The following PP2D1 variants were observed in gnomAD, a reference collection of about 807,000 sequenced individuals.
PP2D1 encodes protein phosphatase 2C like domain containing 1.
PP2D1 carries 25 observed loss-of-function variants against 30.2 expected under a neutral mutation model. The ratio of observed to expected loss-of-function variants is 0.83; its 90% CI spans 0.60 to 1.16. The LOEUF (loss-of-function observed/expected upper bound fraction) is 1.16, where lower values mean the gene tolerates loss of function less well. PP2D1 is among the 50% of genes most tolerant of loss of function. The probability of loss-of-function intolerance (pLI) is 0.00; values close to 1 mark genes in which losing one functional copy is unlikely to be tolerated. For synonymous variants in PP2D1, 260 were observed against 258.9 expected (o/e 1.00, Z -0.04); for missense variants, 760 against 742.4 (o/e 1.02, Z -0.28).
chr3:19,993,606 G>A (rs1014321532), intron 2 of PP2D1, among the ~76,000 whole-genome samples: 1 of 152,162 alleles, frequency 6.6e-6, no homozygotes, highest in African/African-American at 2.4e-5. Context: ...GGTGGCACAT[G>A]CCAGTAATCT....
At position 19,986,103 on chromosome 3, in the gene PP2D1, T is replaced by G. The variant is rs1697030021; in HGVS notation, c.1170A>C (p.Glu390Asp). ...CTCCATTCTGAAGTATTCTTCTTCT[T>G]TCATTTGTGTTTCGTGTAGTATGTT... ...TKEHTTRNTN[E>D]RRRILQNGAV... The change falls in exon 3 of 3, where the codon GAA becomes GAC. Residue 390 changes from glutamate to aspartate, a missense_variant. Coordinates refer to ENST00000389050, the MANE Select transcript of PP2D1 (RefSeq NM_001252657.2). 6.5e-7 allele frequency: 1 copy of G among 1,536,000 alleles called. No individual in the cohort carries two copies. Among genetic ancestry groups the G allele is most frequent in the Non-Finnish European group, 8.7e-7 (1 of 1,146,820 alleles).
At chr3:19,998,721 T>C (rs934327675) in intron 2 of PP2D1, among the ~76,000 whole-genome samples, 1 of 152,226 alleles carries the variant, frequency 6.6e-6, no homozygotes, top group Admixed American at 6.5e-5. Flanking sequence ...ATAATTTTTT[T>C]TAAATTCTAG....
intron 2 of PP2D1, among the ~76,000 whole-genome samples, chr3:19,988,517 A>G (rs549710491): frequency 1.7e-4 from 26 of 152,152 alleles, no homozygotes; most frequent in Non-Finnish European, 2.6e-4. Flanking sequence ...TTCATTAGCA[A>G]TTTTAATTTC....
intron 2 of PP2D1, among the ~76,000 whole-genome samples, chr3:19,996,630 A>C (rs1271661130): frequency 1.3e-5 from 2 of 152,180 alleles, no homozygotes; most frequent in Non-Finnish European, 2.9e-5. Context: ...CACAACAACA[A>C]AGAAGAAAAC....
intron 2 of PP2D1, among the ~76,000 whole-genome samples, chr3:19,991,865 T>C (rs1370993387): frequency 6.6e-6 from 1 of 152,150 alleles, no homozygotes; most frequent in Non-Finnish European, 1.5e-5. Context: ...AAAAGAATTA[T>C]AAGAAAATGC....
At chr3:19,980,913 G>A (rs953942484), downstream of PP2D1, among the ~76,000 whole-genome samples, 4 of 152,164 alleles carry the variant, frequency 2.6e-5, no homozygotes, top group African/African-American at 9.7e-5. Context: ...TGATGCTGAT[G>A]TAGAATGGAA....
chr3:19,993,547 C>T (rs1697142297), intron 2 of PP2D1, among the ~76,000 whole-genome samples: 1 of 151,990 alleles, frequency 6.6e-6, no homozygotes, highest in Non-Finnish European at 1.5e-5. Context: ...ACCAGCCTGG[C>T]CAACATGGTG....
At position 20,001,663 on chromosome 3, in the gene PP2D1, T is replaced by C. The variant is rs979438673; in HGVS notation, c.457A>G (p.Ile153Val). The C allele has an allele frequency of 4.6e-6, 7 of 1,535,886 alleles. No homozygotes were observed. In the African/African-American group the frequency reaches 9.6e-5, roughly 21 times the overall value. ...IPAYYKIFDN[I>V]DRSVIYSQKI... is the part of the protein sequence containing the mutation. ...TGAGAATATATGACACTCCTGTCAATGTTATCAAAAATCTTATAGTATGCT... is the reference window on the plus strand; with the variant it reads ...TGAGAATATATGACACTCCTGTCAACGTTATCAAAAATCTTATAGTATGCT... Residue 153 changes from isoleucine (I) to valine (V), a missense_variant, in exon 2 of 3, where the codon ATT becomes GTT. Physicochemically the swap from Ile to Val is conservative, Grantham distance 29 (BLOSUM62 3). This residue lies in a region of PP2D1 where 374 missense variants were observed against 388.8 expected (regional missense o/e 0.96). Coordinates refer to ENST00000389050, the MANE Select transcript of PP2D1 (RefSeq NM_001252657.2).
At chr3:19,995,581 G>A (rs1466134650) in intron 2 of PP2D1, among the ~76,000 whole-genome samples, 1 of 152,144 alleles carries the variant, frequency 6.6e-6, no homozygotes, top group African/African-American at 2.4e-5. Context: ...AGCAGCCTTA[G>A]GAAACTAGTA....
intron 2 of PP2D1, among the ~76,000 whole-genome samples, chr3:19,987,266 T>C (rs956312302): frequency 1.6e-4 from 25 of 152,176 alleles, no homozygotes; most frequent in African/African-American, 5.3e-4. Context: ...TAACTTTTTT[T>C]GGTGTATTTT....
At chr3:20,006,363 G>C (rs1269673887) in intron 1 of PP2D1, among the ~76,000 whole-genome samples, 4 of 152,196 alleles carry the variant, frequency 2.6e-5, no homozygotes, top group African/African-American at 9.6e-5. Context: ...CAGGAAGTTT[G>C]AATATGGAAA....
At chr3:19,981,115 A>G (rs555013339), downstream of PP2D1, among the ~76,000 whole-genome samples, 1 of 152,298 alleles carries the variant, frequency 6.6e-6, no homozygotes, top group East Asian at 1.9e-4. Flanking sequence ...ACTCTTAGTC[A>G]TCTTTAATAT....
In PP2D1 at chr3:19,985,672, A is replaced by G. The variant is rs1487541929; in HGVS notation, c.1601T>C (p.Leu534Ser). 3 of 1,535,884 alleles carry G rather than the reference A, an allele frequency of 2.0e-6. No individual in the cohort carries two copies. The highest frequency in any genetic ancestry group is 3.9e-5 in the Admixed American group (2 of 50,972). The change falls in exon 3 of 3, where the codon TTA becomes TCA. Residue 534 changes from leucine to serine, a missense_variant. Around this residue, in one of 3 missense-constraint regions of PP2D1, gnomAD observed 369 missense variants for 316.2 expected, o/e 1.17. Transcript: ENST00000389050. ...GTATTTAGAATAGTTTGAATCGGAT[A>G]AATTTTCTTTGGAATTTGTAGTTGA... is the stretch of plus-strand genomic sequence containing the variant. ...RVSTTNSKEN[L>S]SDSNYSKYCI...
At chr3:19,990,705 C>T (rs536978119) in intron 2 of PP2D1, among the ~76,000 whole-genome samples, 12 of 150,766 alleles carry the variant, frequency 8.0e-5, no homozygotes, top group African/African-American at 2.7e-4. Flanking sequence ...AAAGCTTGAA[C>T]AGAATAATGA....
At chr3:19,984,479 C>A (rs915298886), downstream of PP2D1, 6 of 225,214 alleles carry the variant, frequency 2.7e-5, no homozygotes, top group South Asian at 5.2e-5. Flanking sequence ...ATTTTGAGAA[C>A]TAATAAATGC....
At position 20,001,493 on chromosome 3, in the gene PP2D1, T is replaced by G; in HGVS notation, c.627A>C (p.Gly209=). The G allele has an allele frequency of 1.3e-6, 2 of 1,536,094 alleles. No individual in the cohort carries two copies. Among genetic ancestry groups the G allele is most frequent in the Non-Finnish European group, 1.7e-6 (2 of 1,146,814 alleles). ...ACTCTGCCGCTGAGGCACCGTGATG[T>G]CCATCAAACAAACCAAAAAAACACA... ...PNVCFFGLFD[G]HHGASAAELT... The change falls in exon 2 of 3, where the codon GGA becomes GGC. Residue 209 remains glycine, a synonymous_variant. Coordinates refer to ENST00000389050, the MANE Select transcript of PP2D1 (RefSeq NM_001252657.2).
chr3:19,988,634 C>T (rs750652249), intron 2 of PP2D1, among the ~76,000 whole-genome samples: 16 of 152,182 alleles, frequency 1.1e-4, no homozygotes, highest in South Asian at 2.1e-4. Context: ...CACTCCCTCC[C>T]GTTTGAAAAT....
intron 1 of PP2D1, 109 bp from the exon 2 acceptor site, chr3:20,002,205 G>A (rs1168736237): frequency 1.5e-6 from 1 of 662,474 alleles, no homozygotes; most frequent in Non-Finnish European, 2.5e-6. Context: ...TCTTATATAA[G>A]CCTAGGATTA....
chr3:20,005,575 C>G (rs1375364243), intron 1 of PP2D1, among the ~76,000 whole-genome samples: 1 of 152,110 alleles, frequency 6.6e-6, no homozygotes, highest in Non-Finnish European at 1.5e-5. Context: ...GCCTACGACA[C>G]TAAGAATACT....
Sources: allele counts gnomAD v4.1 joint callset (sites outside exome capture counted in the v4.1 genomes callset), GRCh38; gene constraint gnomAD v4.1.1; regional missense constraint gnomAD v4.1.1; transcripts MANE v1.5; gene names NCBI Gene and HGNC (gene_info 2026-07-23, HGNC 2026-07-21).